The following CELF2 variants were observed in gnomAD, a reference collection of about 807,000 sequenced individuals.
CELF2 encodes CUGBP Elav-like family member 2, also known as CUG triplet repeat RNA-binding protein 2.
In CELF2, 8 loss-of-function variants were observed where a neutral mutation model predicts 62.6. The observed-to-expected ratio is 0.13, with a 90% confidence interval of 0.07 to 0.23. CELF2 has a LOEUF of 0.23. CELF2 is among the 10% of genes least tolerant of loss of function. The probability of loss-of-function intolerance (pLI) is 1.00; values close to 1 mark genes in which losing one functional copy is unlikely to be tolerated. For missense variants in CELF2, 333 were observed against 671.0 expected, an observed-to-expected ratio of 0.50 and a Z score of 5.56; for synonymous variants, 258 against 250.0, an observed-to-expected ratio of 1.03 and a Z score of -0.30.
intron 1 of CELF2, among the ~76,000 whole-genome samples, chr10:11,065,995 C>T (rs1454381940): frequency 6.6e-6 from 1 of 152,064 alleles, no homozygotes; most frequent in Non-Finnish European, 1.5e-5. Context: ...CTGGAAGTGC[C>T]CCATACAGCA....
At chr10:11,251,885 G>A (rs530961817) in intron 4 of CELF2, among the ~76,000 whole-genome samples, 9 of 152,370 alleles carry the variant, frequency 5.9e-5, no homozygotes, top group African/African-American at 2.2e-4. Context: ...TGCACTCTGA[G>A]CAGCAGAGGC....
At chr10:10,760,988 T>G in the CELF2 span, among the ~76,000 whole-genome samples, 1 of 152,214 alleles carries the variant, frequency 6.6e-6, no homozygotes, top group Non-Finnish European at 1.5e-5. Flanking sequence ...TGACATGGTC[T>G]AAGTGTATCT....
rs2053578318 is a variant in CELF2 at position 11,106,663 on chromosome 10, T to C, written c.75-58823T>C. 2.6e-5 allele frequency among the ~76,000 whole-genome samples: 4 copies of C among 152,376 alleles called. No homozygotes were observed. In the South Asian group the frequency reaches 8.3e-4, roughly 32 times the overall value. On this transcript the variant is annotated intron_variant, in intron 1 of 12. Transcript: ENST00000633077. ...TTCCCTGAGCATTTGAAGTAGATATTTTAAGCAAGGATGAAAAATTAACAT... is the reference window on the plus strand; with the variant it reads ...TTCCCTGAGCATTTGAAGTAGATATCTTAAGCAAGGATGAAAAATTAACAT...
chr10:10,916,858 C>A (rs1447033300), intron 1 of CELF2, among the ~76,000 whole-genome samples: 1 of 152,078 alleles, frequency 6.6e-6, no homozygotes, highest in Non-Finnish European at 1.5e-5. Context: ...AGTGATCCAC[C>A]TGCCTCTGCC....
chr10:11,215,804 G>A (rs2063204487), intron 2 of CELF2, among the ~76,000 whole-genome samples: 1 of 152,114 alleles, frequency 6.6e-6, no homozygotes, highest in Non-Finnish European at 1.5e-5. Flanking sequence ...TTCTAAAAAT[G>A]GTTACTGGAA....
the CELF2 span, among the ~76,000 whole-genome samples, chr10:10,495,768 T>C: frequency 1.3e-5 from 2 of 152,178 alleles, no homozygotes; most frequent in African/African-American, 4.8e-5. Flanking sequence ...GCATTTCTGT[T>C]GCTTTGTTCT....
chr10:11,229,136 C>A (rs1352718755), intron 3 of CELF2, among the ~76,000 whole-genome samples: 1 of 152,172 alleles, frequency 6.6e-6, no homozygotes. Context: ...GGGGTGAGTA[C>A]AGATCACATC....
rs1554884922 is a variant in CELF2 at position 10,927,351 on chromosome 10, A to AAACAAAAC, written c.89+7354_89+7355insCAAAACAA. On this transcript the variant is annotated intron_variant, in intron 2 of 13. Transcript: ENST00000636488. ...AAAGGAGAACCTAGTGACATTAAAA[A>AAACAAAAC]AAAAAAAAAAAAAAACACCTTTTTC... The AAACAAAAC allele has an allele frequency of 5.0e-3, 688 of 137,692 alleles. 13 individuals are homozygous for AAACAAAAC. The highest frequency in any genetic ancestry group is 0.016 in the African/African-American group (572 of 35,860). The allele number at this position is 137,692 out of a possible 1,614,324, so 8.5% of individuals were successfully genotyped here.
chr10:10,985,070 C>T (rs1381635965), intron 2 of CELF2, among the ~76,000 whole-genome samples: 1 of 152,032 alleles, frequency 6.6e-6, no homozygotes, highest in Non-Finnish European at 1.5e-5. Flanking sequence ...TCCAAAGGAA[C>T]ATTTTGGCTG....
chr10:10,724,551 G>C, the CELF2 span, among the ~76,000 whole-genome samples: 1 of 151,514 alleles, frequency 6.6e-6, no homozygotes, highest in African/African-American at 2.4e-5. Flanking sequence ...AGCTACTCAG[G>C]AGGCTGAGAC....
chr10:10,966,385 G>A (rs2050125970), intron 2 of CELF2, among the ~76,000 whole-genome samples: 1 of 152,184 alleles, frequency 6.6e-6, no homozygotes, highest in Admixed American at 6.5e-5. Context: ...ATAAATGGCT[G>A]AGGATATTTT....
At chr10:10,907,961 G>A (rs1408240535) in intron 1 of CELF2, among the ~76,000 whole-genome samples, 2 of 152,182 alleles carry the variant, frequency 1.3e-5, no homozygotes, top group South Asian at 2.1e-4. Context: ...AGCTCTCGGA[G>A]TAGTGTTATT....
At position 10,947,499 on chromosome 10, in the gene CELF2, G is replaced by A. The variant is rs774991669; in HGVS notation, c.89+27500G>A. 2.6e-5 allele frequency: 4 copies of A among 152,620 alleles called. No individual in the cohort carries two copies. Among genetic ancestry groups the A allele is most frequent in the Non-Finnish European group, 5.9e-5 (4 of 68,046 alleles). 9.5% of individuals were successfully genotyped at this position (152,620 alleles called of 1,614,324 possible). On this transcript the variant is annotated intron_variant, in intron 2 of 13. Transcript: ENST00000636488. The surrounding 1 kb of genome is among the most constrained non-coding windows in gnomAD (Gnocchi z 4.1). ...TAGCATGAAACATCATTTGTAACTG[G>A]TGATGGTCAGATTAACATTCCCCGA... is the stretch of plus-strand genomic sequence containing the variant.
chr10:10,710,748 G>C, the CELF2 span, among the ~76,000 whole-genome samples: 194 of 152,212 alleles, frequency 1.3e-3, 2 homozygotes, highest in South Asian at 0.015. Flanking sequence ...ACACTAAAAT[G>C]CATTAATGGA....
At chr10:11,061,645 G>T (rs2066754699) in intron 1 of CELF2, among the ~76,000 whole-genome samples, 1 of 152,216 alleles carries the variant, frequency 6.6e-6, no homozygotes, top group Non-Finnish European at 1.5e-5. Context: ...ATCTTATAAG[G>T]GGCTAATACA....
At chr10:11,030,315 TCA>T (rs2059893024) in intron 1 of CELF2, 1 of 152,242 alleles carries the variant, frequency 6.6e-6, no homozygotes, top group African/African-American at 2.4e-5. Flanking sequence ...CATTTCCATC[TCA>T]CAAATGAGGA....
At chr10:11,056,982 C>T (rs532383877) in intron 1 of CELF2, among the ~76,000 whole-genome samples, 34 of 152,230 alleles carry the variant, frequency 2.2e-4, no homozygotes, top group Admixed American at 9.8e-4. Context: ...GAGTAAGAAC[C>T]GCTGCGTGAA....
chr10:10,596,413 C>T, the CELF2 span, among the ~76,000 whole-genome samples: 1 of 152,210 alleles, frequency 6.6e-6, no homozygotes, highest in Non-Finnish European at 1.5e-5. Context: ...CAGAATTGCA[C>T]ATGTGGCTTG....
At chr10:11,293,703 G>A (rs1336079433) in intron 9 of CELF2, among the ~76,000 whole-genome samples, 1 of 152,208 alleles carries the variant, frequency 6.6e-6, no homozygotes, top group African/African-American at 2.4e-5. Flanking sequence ...TCTAGCCAGT[G>A]AGTTATTTTA....
Sources: gnomAD v4.1 joint callset for allele counts (sites outside exome capture counted in the v4.1 genomes callset) on GRCh38, gnomAD v4.1.1 for gene constraint, Gnocchi (gnomAD v3.1) non-coding constraint, MANE v1.5 for transcripts, NCBI Gene and HGNC (gene_info 2026-07-23, HGNC 2026-07-21) for gene names.